The following NAV2 variants were observed in gnomAD, a reference collection of about 807,000 sequenced individuals.
NAV2 encodes neuron navigator 2, also known as helicase, APC down-regulated 1.
In NAV2, 54 loss-of-function variants were observed where a neutral mutation model predicts 223.2. That is an observed-to-expected ratio of 0.24 (90% CI 0.19 to 0.30). The LOEUF is 0.30. Ranked by LOEUF, NAV2 falls within the 10% of genes least tolerant of loss-of-function variation. The pLI, the probability that NAV2 is intolerant of heterozygous loss-of-function variation, is 1.00. For missense variants in NAV2, 2,806 were observed against 3,147.5 expected (o/e 0.89, Z 2.60); for synonymous variants, 1,279 against 1,239.3 (o/e 1.03, Z -0.67).
At chr11:19,762,260 C>G (rs913675105) in intron 1 of NAV2, among the ~76,000 whole-genome samples, 2 of 152,080 alleles carry the variant, frequency 1.3e-5, no homozygotes, top group Non-Finnish European at 2.9e-5. Flanking sequence ...ACAAACAAAA[C>G]AAACCCTCAA....
chr11:20,069,175 T>C (rs1056058900), intron 22 of NAV2, among the ~76,000 whole-genome samples: 1 of 151,988 alleles, frequency 6.6e-6, no homozygotes, highest in Non-Finnish European at 1.5e-5. Flanking sequence ...ATCTAATGGA[T>C]GCTAGGTAGG....
chr11:19,597,060 T>C (rs1189381170), intron 1 of NAV2, among the ~76,000 whole-genome samples: 2 of 152,224 alleles, frequency 1.3e-5, no homozygotes, highest in Admixed American at 6.5e-5. Context: ...TCCAAGTTTT[T>C]CCTTCCTTCT....
At chr11:19,841,224 T>C (rs894496277) in intron 2 of NAV2, among the ~76,000 whole-genome samples, 1 of 152,196 alleles carries the variant, frequency 6.6e-6, no homozygotes, top group African/African-American at 2.4e-5. Flanking sequence ...GAATATATAC[T>C]AACCAGTCTG....
intron 1 of NAV2, among the ~76,000 whole-genome samples, chr11:19,567,538 G>A (rs1487932862): frequency 6.6e-6 from 1 of 152,176 alleles, no homozygotes; most frequent in African/African-American, 2.4e-5. Context: ...TGGCTGAACA[G>A]GGCATTAATT....
chr11:19,586,499 T>C (rs532180947), intron 1 of NAV2, among the ~76,000 whole-genome samples: 111 of 152,328 alleles, frequency 7.3e-4, no homozygotes, highest in African/African-American at 2.6e-3. Context: ...TTTTTCCCCA[T>C]CTTTGTGGTT....
At chr11:19,361,349 C>T (rs1853926966) in intron 1 of NAV2, among the ~76,000 whole-genome samples, 1 of 151,986 alleles carries the variant, frequency 6.6e-6, no homozygotes, top group African/African-American at 2.4e-5. Context: ...ACTTGGGTTC[C>T]AATCCCAGCA....
At chr11:19,780,915 A>G (rs1253819112) in intron 1 of NAV2, among the ~76,000 whole-genome samples, 1 of 152,192 alleles carries the variant, frequency 6.6e-6, no homozygotes, top group African/African-American at 2.4e-5. Context: ...TTTTTGGTCT[A>G]TACTTTTCCT....
chr11:19,367,694 C>A (rs1848335224), intron 1 of NAV2, among the ~76,000 whole-genome samples: 1 of 152,046 alleles, frequency 6.6e-6, no homozygotes, highest in African/African-American at 2.4e-5. Flanking sequence ...GTATGTCCAT[C>A]CTTGTGGGCC....
chr11:20,097,946 T>C lies in NAV2; in HGVS notation c.6181+201T>C, dbSNP rs531309887. On this transcript the variant is annotated intron_variant, in intron 31 of 37. Transcript: ENST00000349880. Reference sequence around the variant, plus strand: ...CTTAGGAAACAAAATCATTTTAGTTTATTGCTGCAATTATCTAACAAAAGA... The same window carrying C: ...CTTAGGAAACAAAATCATTTTAGTTCATTGCTGCAATTATCTAACAAAAGA... Among the ~76,000 whole-genome samples the C allele has an allele frequency of 1.1e-4, 17 of 152,328 alleles. No homozygotes were observed. In the East Asian group the frequency reaches 1.2e-3, roughly 10 times the overall value.
chr11:19,509,720 C>T (rs974977338), intron 1 of NAV2, among the ~76,000 whole-genome samples: 5 of 152,162 alleles, frequency 3.3e-5, no homozygotes, highest in South Asian at 2.1e-4. Flanking sequence ...ATCAATGTTT[C>T]CCCCCTAAAG....
chr11:19,529,571 CT>C (rs1724558698), intron 1 of NAV2, among the ~76,000 whole-genome samples: 1 of 152,120 alleles, frequency 6.6e-6, no homozygotes, highest in African/African-American at 2.4e-5. Context: ...TTGTTTATGT[CT>C]TTATGTCCTT....
At chr11:19,374,016 T>A (rs1001411625) in intron 1 of NAV2, among the ~76,000 whole-genome samples, 1 of 152,228 alleles carries the variant, frequency 6.6e-6, no homozygotes, top group African/African-American at 2.4e-5. Flanking sequence ...AATTTATAAC[T>A]TAAAAATAAC....
chr11:20,057,699 T>G (rs2058452628), intron 19 of NAV2, among the ~76,000 whole-genome samples: 1 of 152,220 alleles, frequency 6.6e-6, no homozygotes, highest in Non-Finnish European at 1.5e-5. Flanking sequence ...CTCTGCCATG[T>G]GTCTTCCTGA....
At chr11:19,616,335 T>TGTGTGTGTGTGC (rs1159006427) in intron 1 of NAV2, among the ~76,000 whole-genome samples, 1 of 148,302 alleles carries the variant, frequency 6.7e-6, no homozygotes, top group African/African-American at 2.5e-5. Flanking sequence ...TGTGTGTGTG[T>TGTGTGTGTGTGC]GCGCGCGCAT....
At chr11:20,107,549 A>G in intron 35 of NAV2, 115 bp from the exon 36 acceptor site, 1 of 777,178 alleles carries the variant, frequency 1.3e-6, no homozygotes, top group Non-Finnish European at 2.2e-6. Context: ...CAGCCCTGCC[A>G]TCCCTCAGAA....
At chr11:19,926,630 A>G (rs1451605016) in intron 6 of NAV2, among the ~76,000 whole-genome samples, 1 of 129,296 alleles carries the variant, frequency 7.7e-6, no homozygotes, top group Admixed American at 8.0e-5. Context: ...GCTGGAGTCA[A>G]TACACTTAAA....
intron 1 of NAV2, among the ~76,000 whole-genome samples, chr11:19,392,175 G>A (rs932835522): frequency 5.3e-5 from 8 of 152,120 alleles, no homozygotes; most frequent in Non-Finnish European, 8.8e-5. Context: ...TGCCAGCTGC[G>A]TTCAAGTCCT....
At chr11:19,400,783 A>G (rs1849651987) in intron 1 of NAV2, among the ~76,000 whole-genome samples, 1 of 152,172 alleles carries the variant, frequency 6.6e-6, no homozygotes, top group Non-Finnish European at 1.5e-5. Context: ...TGCTATTATA[A>G]TCATTATCAT....
At chr11:20,053,597 G>A (rs1367368317) in intron 17 of NAV2, among the ~76,000 whole-genome samples, 3 of 152,216 alleles carry the variant, frequency 2.0e-5, no homozygotes, top group Non-Finnish European at 4.4e-5. Context: ...ACTACTATAA[G>A]CATCAGTGTC....
Sources: allele counts gnomAD v4.1 joint callset (sites outside exome capture counted in the v4.1 genomes callset), GRCh38; gene constraint gnomAD v4.1.1; transcripts MANE v1.5; gene names NCBI Gene and HGNC (gene_info 2026-07-23, HGNC 2026-07-21).